Variants in IKZF4 observed in about 807,000 individuals in gnomAD.
The protein encoded by IKZF4 is zinc finger protein Eos.
Under a neutral mutation model 47.7 loss-of-function variants are expected in IKZF4, and 11 were observed. That is an observed-to-expected ratio of 0.23 (90% CI 0.15 to 0.38). IKZF4 has a LOEUF of 0.38. Ranked by LOEUF, IKZF4 falls within the 10% of genes least tolerant of loss-of-function variation. IKZF4 has a pLI of 1.00. For missense variants in IKZF4, 557 were observed against 784.9 expected, an observed-to-expected ratio of 0.71 and a Z score of 3.47; for synonymous variants, 298 against 299.4, an observed-to-expected ratio of 1.00 and a Z score of 0.05.
At chr12:56,030,822 G>C (rs944260782) in intron 5 of IKZF4, among the ~76,000 whole-genome samples, 1 of 152,152 alleles carries the variant, frequency 6.6e-6, no homozygotes, top group Non-Finnish European at 1.5e-5. Flanking sequence ...GCTGGTTAAT[G>C]GGTACAAGAT....
intron 5 of IKZF4, among the ~76,000 whole-genome samples, chr12:56,031,550 A>C (rs1402402031): frequency 6.6e-6 from 1 of 152,192 alleles, no homozygotes; most frequent in Non-Finnish European, 1.5e-5. Flanking sequence ...CAGTAGATTG[A>C]TTTAGTCAAG....
At chr12:56,028,075 C>A (rs1592967030) in intron 5 of IKZF4, 128 bp downstream of exon 5, 1 of 1,036,872 alleles carries the variant, frequency 9.6e-7, no homozygotes, top group Non-Finnish European at 1.3e-6. Context: ...ATTTACAGAG[C>A]AGATAGGGCC....
chr12:56,032,418 G>A lies in IKZF4; in HGVS notation c.716-143G>A, dbSNP rs946833826. 2.1e-5 allele frequency: 17 copies of A among 792,074 alleles called. No homozygotes were observed. In the African/African-American group the frequency reaches 2.8e-4, roughly 13 times the overall value. The allele number at this position is 792,074 out of a possible 1,614,324, so 49.1% of individuals were successfully genotyped here. ...CTGTCCGCGGTTGCAGTTGAAGTTG[G>A]GAAATGAAAGACAAGTAGAAGAACT... On this transcript the variant is annotated intron_variant, in intron 5 of 7. Coordinates refer to ENST00000547167, the MANE Select transcript of IKZF4 (RefSeq NM_022465.4).
intron 1 of IKZF4, among the ~76,000 whole-genome samples, chr12:56,009,425 A>G (rs1891089962): frequency 6.6e-6 from 1 of 152,216 alleles, no homozygotes; most frequent in Non-Finnish European, 1.5e-5. Context: ...TCACCTCCCC[A>G]TGGACCTGCC....
At chr12:56,019,350 A>G, upstream of IKZF4, 1 of 984,816 alleles carries the variant, frequency 1.0e-6, no homozygotes, top group Non-Finnish European at 1.2e-6. Flanking sequence ...GGCATGCACT[A>G]AAGGAGATAG....
At chr12:56,018,425 T>C (rs538263577), upstream of IKZF4, among the ~76,000 whole-genome samples, 11 of 152,288 alleles carry the variant, frequency 7.2e-5, no homozygotes, top group African/African-American at 2.6e-4. Flanking sequence ...TGAGCAGACA[T>C]CATTAGAAGA....
chr12:56,026,081 G>A (rs116594660), intron 3 of IKZF4, among the ~76,000 whole-genome samples: 10,989 of 151,956 alleles, frequency 0.072, 1,344 homozygotes, highest in African/African-American at 0.25. Flanking sequence ...GATTACAGGC[G>A]TACACCACCA....
At chr12:56,028,858 G>A (rs552474440) in intron 5 of IKZF4, among the ~76,000 whole-genome samples, 2 of 85,606 alleles carry the variant, frequency 2.3e-5, no homozygotes, top group East Asian at 3.1e-4. Context: ...TTACAGGCGT[G>A]GTGTCAGCCA....
chr12:56,027,542 CG>C (rs922980131), intron 4 of IKZF4, among the ~76,000 whole-genome samples: 8 of 152,292 alleles, frequency 5.3e-5, no homozygotes, highest in African/African-American at 1.7e-4. Flanking sequence ...CTTTTGGCCT[CG>C]TGTTCCAGGC....
intron 3 of IKZF4, 64 bp downstream of exon 3, chr12:56,025,222 C>A: frequency 6.9e-7 from 1 of 1,452,128 alleles, no homozygotes; most frequent in South Asian, 1.4e-5. Context: ...GCCTTCAATT[C>A]ACCTTCCACT....
At chr12:56,016,630 CTT>C (rs1298071439), upstream of IKZF4, among the ~76,000 whole-genome samples, 1 of 149,768 alleles carries the variant, frequency 6.7e-6, no homozygotes, top group African/African-American at 2.5e-5. Flanking sequence ...GAGTTTCGCT[CTT>C]GTTGCCCAGG....
intron 7 of IKZF4, among the ~76,000 whole-genome samples, chr12:56,033,551 C>G (rs1895205607): frequency 6.6e-6 from 1 of 151,864 alleles, no homozygotes; most frequent in African/African-American, 2.4e-5. Flanking sequence ...ACTAAAAATA[C>G]AAAAAATTAG....
intron 6 of IKZF4, 81 bp downstream of exon 6, chr12:56,032,791 C>T (rs1388380791): frequency 1.2e-5 from 18 of 1,475,718 alleles, no homozygotes; most frequent in Admixed American, 1.7e-5. Flanking sequence ...CCAGTATCTC[C>T]CACACTGAGG....
Position 56,026,869 on chromosome 12 carries a change from C to T in IKZF4, c.375C>T (p.Ser125=), listed in dbSNP as rs756465793. 59 of 1,613,038 alleles carry T rather than the reference C, an allele frequency of 3.7e-5. 1 individual carries two copies. The highest frequency in any genetic ancestry group is 4.7e-5 in the Non-Finnish European group (55 of 1,179,612). Residue 125 remains serine (S), a synonymous_variant, in exon 4 of 8, where the codon AGC becomes AGT. Transcript: ENST00000547167. The part of the protein sequence containing the change: ...PDERLLEKDD[S]VIVEDSLSEP... ...AGCGGCTCCTGGAAAAGGACGACAG[C>T]GTGATTGTGGAAGATTCATTGTCTG...
chr12:56,017,021 T>C (rs1369916464), upstream of IKZF4, among the ~76,000 whole-genome samples: 1 of 152,038 alleles, frequency 6.6e-6, no homozygotes, highest in African/African-American at 2.4e-5. Context: ...TGAGCCACCA[T>C]GCCAGCCGCA....
chr12:56,021,440 C>A lies in IKZF4; in HGVS notation c.-54C>A. The stretch of plus-strand genomic sequence containing the variant: ...TTCCCCTCACTTCCAGGAATCCACG[C>A]TTCCTGGAAGGTGAGTGGCTGGGCT... On this transcript the variant is annotated 5_prime_UTR_variant, in exon 1 of 8. Transcript: ENST00000547167. 1 of 1,555,592 alleles carries A rather than the reference C, an allele frequency of 6.4e-7. No homozygotes were observed.
chr12:56,020,367 T>C (rs1892690714), upstream of IKZF4, among the ~76,000 whole-genome samples: 1 of 152,150 alleles, frequency 6.6e-6, no homozygotes, highest in African/African-American at 2.4e-5. Context: ...ACCCCCTCCA[T>C]TTTCCTATCT....
chr12:56,027,192 C>G, intron 4 of IKZF4, 151 bp downstream of exon 4: 1 of 388,900 alleles, frequency 2.6e-6, no homozygotes, highest in Middle Eastern at 1.4e-3. Flanking sequence ...AGCACATTTT[C>G]CAGCTGACAA....
At chr12:56,023,978 A>G (rs1461143446) in intron 2 of IKZF4, 33 of 922,994 alleles carry the variant, frequency 3.6e-5, no homozygotes, top group Non-Finnish European at 4.1e-5. Context: ...TGTTCTCTTT[A>G]TATGTATCTA....
Sources: gnomAD v4.1 joint callset for allele counts (sites outside exome capture counted in the v4.1 genomes callset) on GRCh38, gnomAD v4.1.1 for gene constraint, MANE v1.5 for transcripts, NCBI Gene and HGNC (gene_info 2026-07-23, HGNC 2026-07-21) for gene names.